Variants in PEBP4 observed in about 807,000 individuals in gnomAD.
PEBP4 encodes phosphatidylethanolamine binding protein 4.
Under a neutral mutation model 23.9 loss-of-function variants are expected in PEBP4, and 22 were observed. The ratio of observed to expected loss-of-function variants is 0.92; its 90% CI spans 0.66 to 1.31. The LOEUF is 1.31. Among genes scored for constraint, PEBP4 ranks in the 40% most tolerant of loss-of-function variants. PEBP4 has a pLI of 0.00. For synonymous variants in PEBP4, 112 were observed against 99.3 expected (o/e 1.13, Z -0.76); for missense variants, 324 against 281.7 (o/e 1.15, Z -1.07).
At chr8:22,730,751 G>A (rs1804713504) in intron 4 of PEBP4, among the ~76,000 whole-genome samples, 1 of 152,198 alleles carries the variant, frequency 6.6e-6, no homozygotes, top group African/African-American at 2.4e-5. Flanking sequence ...CACTCCTGTC[G>A]AGTCTGAGAA....
chr8:22,786,402 C>T (rs1013965625), intron 4 of PEBP4, among the ~76,000 whole-genome samples: 1 of 152,080 alleles, frequency 6.6e-6, no homozygotes, highest in Non-Finnish European at 1.5e-5. Context: ...CTGGCCTCAG[C>T]CTCCTGAATA....
At chr8:22,894,221 G>A (rs1808551294) in intron 3 of PEBP4, among the ~76,000 whole-genome samples, 1 of 152,066 alleles carries the variant, frequency 6.6e-6, no homozygotes, top group East Asian at 1.9e-4. Context: ...GGAATAAGAT[G>A]ACTTCTTCTG....
chr8:22,733,568 C>G (rs1804784051), intron 4 of PEBP4, among the ~76,000 whole-genome samples: 1 of 152,072 alleles, frequency 6.6e-6, no homozygotes, highest in Non-Finnish European at 1.5e-5. Flanking sequence ...GCGGCCCACC[C>G]ACCTGGGTGT....
chr8:22,800,174 T>C (rs1351911703), intron 4 of PEBP4, among the ~76,000 whole-genome samples: 1 of 152,124 alleles, frequency 6.6e-6, no homozygotes, highest in African/African-American at 2.4e-5. Flanking sequence ...TTCTTCTTTA[T>C]TGTAGTCTGA....
intron 3 of PEBP4, among the ~76,000 whole-genome samples, chr8:22,857,747 C>G (rs1351939125): frequency 1.3e-5 from 2 of 152,186 alleles, no homozygotes; most frequent in Non-Finnish European, 2.9e-5. Context: ...AATACTGAAG[C>G]ATTCCTCATA....
At chr8:22,805,925 C>T (rs988992330) in intron 4 of PEBP4, among the ~76,000 whole-genome samples, 1 of 151,504 alleles carries the variant, frequency 6.6e-6, no homozygotes, top group Non-Finnish European at 1.5e-5. Context: ...CTGATAGATG[C>T]ACAGAAAGGA....
chr8:22,886,074 C>A (rs1214526165), intron 3 of PEBP4: 1 of 152,222 alleles, frequency 6.6e-6, no homozygotes, highest in Non-Finnish European at 1.5e-5. Flanking sequence ...ATCATTTCTT[C>A]AACAATGAAA....
chr8:22,755,056 G>C (rs1805349364), intron 4 of PEBP4, among the ~76,000 whole-genome samples: 2 of 152,170 alleles, frequency 1.3e-5, no homozygotes, highest in African/African-American at 2.4e-5. Context: ...GGGAAAGTGG[G>C]GAAGGGCCCA....
At chr8:22,766,428 A>T (rs749509725) in intron 4 of PEBP4, among the ~76,000 whole-genome samples, 12 of 152,236 alleles carry the variant, frequency 7.9e-5, no homozygotes, top group Admixed American at 1.3e-4. Flanking sequence ...CATTTGCAAA[A>T]GGAGATCCTT....
chr8:22,769,036 C>T (rs528020542), intron 4 of PEBP4, among the ~76,000 whole-genome samples: 2 of 152,308 alleles, frequency 1.3e-5, no homozygotes, highest in Admixed American at 6.5e-5. Flanking sequence ...CTGCTGGAAA[C>T]TAAGGTCCAG....
chr8:22,936,086 G>A (rs1299515170), intron 1 of PEBP4, among the ~76,000 whole-genome samples: 3 of 147,954 alleles, frequency 2.0e-5, no homozygotes, highest in Admixed American at 2.0e-4. Flanking sequence ...GATTGCAACA[G>A]ACATAAAATA....
intron 6 of PEBP4, among the ~76,000 whole-genome samples, chr8:22,724,206 G>A (rs931053687): frequency 2.0e-5 from 3 of 152,222 alleles, no homozygotes; most frequent in Non-Finnish European, 4.4e-5. Context: ...CTTGTGGCAT[G>A]CTGCAGTGGC....
intron 3 of PEBP4, among the ~76,000 whole-genome samples, chr8:22,913,232 T>C (rs543956355): frequency 6.6e-6 from 1 of 152,208 alleles, no homozygotes; most frequent in Non-Finnish European, 1.5e-5. Context: ...GTCCTGACTT[T>C]ACCTTCTGCT....
intron 3 of PEBP4, among the ~76,000 whole-genome samples, chr8:22,855,150 G>A (rs1020380437): frequency 3.3e-5 from 5 of 152,080 alleles, no homozygotes; most frequent in African/African-American, 1.2e-4. Context: ...GGCTGACACA[G>A]AAGAATTCTG....
chr8:22,743,516 A>C (rs541068661), intron 4 of PEBP4, among the ~76,000 whole-genome samples: 1 of 152,288 alleles, frequency 6.6e-6, no homozygotes, highest in African/African-American at 2.4e-5. Flanking sequence ...GCCTGATGGC[A>C]GCCCCAGACC....
At chr8:22,924,345 C>T (rs1809278080) in intron 2 of PEBP4, among the ~76,000 whole-genome samples, 1 of 152,150 alleles carries the variant, frequency 6.6e-6, no homozygotes, top group African/African-American at 2.4e-5. Flanking sequence ...GCCTAAGTGA[C>T]AGACAAGACT....
chr8:22,869,592 C>G (rs1428085652), intron 3 of PEBP4, among the ~76,000 whole-genome samples: 2 of 152,070 alleles, frequency 1.3e-5, no homozygotes, highest in Non-Finnish European at 2.9e-5. Context: ...GCTGGACACA[C>G]AAGAAGAGGG....
chr8:22,759,783 G>A (rs7833213), intron 4 of PEBP4, among the ~76,000 whole-genome samples: 48,969 of 152,070 alleles, frequency 0.32, 9,170 homozygotes, highest in Non-Finnish European at 0.42. Context: ...TACCCGTGCC[G>A]TCTCATGGCT....
At chr8:22,907,778 G>A (rs1400173449) in intron 3 of PEBP4, among the ~76,000 whole-genome samples, 2 of 152,152 alleles carry the variant, frequency 1.3e-5, no homozygotes. Context: ...GAGTATGCTG[G>A]GCGTTGAGGC....
Sources: allele counts gnomAD v4.1 joint callset (sites outside exome capture counted in the v4.1 genomes callset), GRCh38; gene constraint gnomAD v4.1.1; transcripts MANE v1.5; gene names NCBI Gene and HGNC (gene_info 2026-07-23, HGNC 2026-07-21).